ADAMTSL1: variants seen among roughly 807,000 people sequenced by gnomAD.
ADAMTSL1 encodes ADAMTS like 1, also known as ADAMTS-like protein 1.
Under a neutral mutation model 201.8 loss-of-function variants are expected in ADAMTSL1, and 126 were observed. The observed-to-expected ratio is 0.62, with a 90% CI of 0.54 to 0.72. The LOEUF is 0.72. Among genes scored for constraint, ADAMTSL1 ranks in the 30% least tolerant of loss-of-function variants. The pLI, the probability that ADAMTSL1 is intolerant of heterozygous loss-of-function variation, is 0.00. For synonymous variants in ADAMTSL1, 1,121 were observed against 903.4 expected (o/e 1.24, Z -4.32); for missense variants, 2,679 against 2,277.8 (o/e 1.18, Z -3.59).
intron 1 of ADAMTSL1, among the ~76,000 whole-genome samples, chr9:17,941,833 G>GCCTTGAGGTTTGATGC (rs1827251343): frequency 6.6e-6 from 1 of 152,074 alleles, no homozygotes; most frequent in African/African-American, 2.4e-5. Flanking sequence ...CAAGGTGCTA[G>GCCTTGAGGTTTGATGC]CAGATTTGAG....
rs1314453978 is a variant in ADAMTSL1, at chr9:18,286,630, CT to C, written c.207+122652del. ...CAGAAATATTGGAAAGTAATAGGGT[CT>C]TTCTGAATCTGTGCTCATACTTCAT... On this transcript the variant is annotated intron_variant, in intron 2 of 29. Coordinates refer to the ADAMTSL1 transcript ENST00000680146. Among the ~76,000 whole-genome samples, 3 of 55,852 alleles carry C rather than the reference CT, an allele frequency of 5.4e-5. 1 individual carries two copies. Among genetic ancestry groups the C allele is most frequent in the Admixed American group, 8.0e-4 (2 of 2,506 alleles). The allele number at this position is 55,852 out of a possible 152,430, so 36.6% of individuals were successfully genotyped here. A position where few individuals can be genotyped will look rare whatever the true frequency, so the allele number is the denominator to read the frequency against.
At chr9:18,219,599 C>G (rs913309716) in intron 2 of ADAMTSL1, among the ~76,000 whole-genome samples, 2 of 152,040 alleles carry the variant, frequency 1.3e-5, no homozygotes, top group African/African-American at 4.8e-5. Flanking sequence ...GAACTCCTGA[C>G]CTCAGATGGT....
intron 2 of ADAMTSL1, among the ~76,000 whole-genome samples, chr9:18,230,830 A>T (rs1427766511): frequency 6.6e-6 from 1 of 152,212 alleles, no homozygotes; most frequent in Non-Finnish European, 1.5e-5. Context: ...TGTTAAAATT[A>T]CATCCATTCT....
At chr9:18,560,518 G>A (rs186751065) in intron 3 of ADAMTSL1, among the ~76,000 whole-genome samples, 1 of 152,110 alleles carries the variant, frequency 6.6e-6, no homozygotes, top group Non-Finnish European at 1.5e-5. Context: ...GATGATGCAG[G>A]CCTCATAAAA....
At chr9:18,825,768 C>T (rs1279140091) in intron 21 of ADAMTSL1, among the ~76,000 whole-genome samples, 2 of 150,806 alleles carry the variant, frequency 1.3e-5, no homozygotes, top group Non-Finnish European at 3.0e-5. Flanking sequence ...TTAATGTTAC[C>T]AGGTTTTTTT....
chr9:18,305,916 A>T (rs963888901), intron 2 of ADAMTSL1, among the ~76,000 whole-genome samples: 1 of 152,082 alleles, frequency 6.6e-6, no homozygotes, highest in Non-Finnish European at 1.5e-5. Flanking sequence ...TGACTGAGAG[A>T]CACCTCCCAG....
intron 28 of ADAMTSL1, chr9:18,908,113 C>G (rs1378155641): frequency 8.5e-6 from 3 of 354,782 alleles, no homozygotes; most frequent in Non-Finnish European, 1.1e-5. Context: ...AGGTGATCAC[C>G]TAGGAGATGA....
In ADAMTSL1 at chr9:18,172,312, A is replaced by T. The variant is rs140628466; in HGVS notation, c.207+8331A>T. Among the ~76,000 whole-genome samples, 1,278 of 152,226 alleles carry T rather than the reference A, an allele frequency of 8.4e-3. 8 individuals are homozygous for T. The highest frequency in any genetic ancestry group is 0.014 in the Admixed American group (210 of 15,282). On this transcript the variant is annotated intron_variant, in intron 2 of 29. Coordinates refer to the ADAMTSL1 transcript ENST00000680146. ...ACTCCTAGAGATCATTCTTAAAAAGATGAACAGCCCAATAGAAAAAAATGA... is the reference window on the plus strand; with the variant it reads ...ACTCCTAGAGATCATTCTTAAAAAGTTGAACAGCCCAATAGAAAAAAATGA...
intron 1 of ADAMTSL1, among the ~76,000 whole-genome samples, chr9:18,049,033 G>A (rs760241431): frequency 3.3e-5 from 5 of 152,018 alleles, no homozygotes; most frequent in Non-Finnish European, 7.4e-5. Flanking sequence ...GGTGTTTCTT[G>A]GCTTGTAAAT....
chr9:18,139,667 A>C (rs1246788334), intron 1 of ADAMTSL1, among the ~76,000 whole-genome samples: 1 of 152,178 alleles, frequency 6.6e-6, no homozygotes, highest in Non-Finnish European at 1.5e-5. Flanking sequence ...CCATATAGCT[A>C]TCCTATGTGA....
intron 2 of ADAMTSL1, among the ~76,000 whole-genome samples, chr9:18,179,893 A>G (rs1258043674): frequency 6.6e-6 from 1 of 152,208 alleles, no homozygotes; most frequent in Non-Finnish European, 1.5e-5. Context: ...CATGGAAAGG[A>G]ACAACAAGTA....
intron 2 of ADAMTSL1, among the ~76,000 whole-genome samples, chr9:18,181,388 C>G (rs945588009): frequency 3.3e-5 from 5 of 152,202 alleles, no homozygotes; most frequent in Admixed American, 2.0e-4. Context: ...AGCTACTCAT[C>G]TGACCAAGGG....
intron 23 of ADAMTSL1, among the ~76,000 whole-genome samples, chr9:18,834,307 T>G (rs1354474702): frequency 2.6e-5 from 4 of 152,212 alleles, no homozygotes; most frequent in Non-Finnish European, 5.9e-5. Context: ...TGTTGATTCT[T>G]CTTATCGATG....
In ADAMTSL1 at chr9:18,897,657, A is replaced by G. The variant is rs555204442; in HGVS notation, c.4851+5061A>G. 9.5e-4 allele frequency among the ~76,000 whole-genome samples: 144 copies of G among 152,350 alleles called. 1 individual carries two copies. Among genetic ancestry groups the G allele is most frequent in the African/African-American group, 3.3e-3 (139 of 41,576 alleles). ...AGAGTGGCCTATTAAATAGAAAACA[A>G]TAACAACATCATCAACGAAAAAGAC... On this transcript the variant is annotated intron_variant, in intron 26 of 28. Coordinates refer to ENST00000380548, the MANE Select transcript of ADAMTSL1 (RefSeq NM_001040272.6).
At chr9:18,600,640 A>T (rs966170649) in intron 4 of ADAMTSL1, among the ~76,000 whole-genome samples, 1 of 152,114 alleles carries the variant, frequency 6.6e-6, no homozygotes, top group African/African-American at 2.4e-5. Context: ...CTTTCATCTC[A>T]TCTAGCTCAG....
intron 26 of ADAMTSL1, among the ~76,000 whole-genome samples, chr9:18,901,308 G>A (rs1159685549): frequency 1.3e-5 from 2 of 152,094 alleles, no homozygotes; most frequent in Non-Finnish European, 2.9e-5. Flanking sequence ...GGAGTCCTTT[G>A]AGTTATAATA....
At chr9:18,037,925 C>G (rs1821269074) in intron 1 of ADAMTSL1, among the ~76,000 whole-genome samples, 1 of 139,316 alleles carries the variant, frequency 7.2e-6, no homozygotes, top group Admixed American at 7.3e-5. Context: ...AAAATCCTGA[C>G]TCTACTTTTG....
At chr9:18,490,108 T>C (rs1195339337) in intron 1 of ADAMTSL1, among the ~76,000 whole-genome samples, 3 of 152,238 alleles carry the variant, frequency 2.0e-5, no homozygotes, top group African/African-American at 4.8e-5. Flanking sequence ...CCATCATTCC[T>C]ATCTTATGTT....
intron 1 of ADAMTSL1, among the ~76,000 whole-genome samples, chr9:18,493,890 C>A (rs1009639411): frequency 1.6e-4 from 25 of 152,332 alleles, no homozygotes; most frequent in African/African-American, 5.5e-4. Context: ...AGACCGATTA[C>A]GTATCTGGTG....
Sources: gnomAD v4.1 joint callset for allele counts (sites outside exome capture counted in the v4.1 genomes callset) on GRCh38, gnomAD v4.1.1 for gene constraint, MANE v1.5 for transcripts, NCBI Gene and HGNC (gene_info 2026-07-23, HGNC 2026-07-21) for gene names.